RAMP3: variants seen among roughly 807,000 people sequenced by gnomAD.
The protein encoded by RAMP3 is receptor activity modifying protein 3.
RAMP3 carries 14 observed loss-of-function variants against 13.5 expected under a neutral mutation model. That is an observed-to-expected ratio of 1.04 (90% confidence interval 0.69 to 1.63). The LOEUF (loss-of-function observed/expected upper bound fraction) is 1.63, where lower values mean the gene tolerates loss of function less well. Ranked by LOEUF, RAMP3 falls within the 40% of genes most tolerant of loss-of-function variation. The pLI is 0.00. For missense variants in RAMP3, 200 were observed against 204.8 expected, an observed-to-expected ratio of 0.98 and a Z score of 0.14; for synonymous variants, 106 against 88.3, an observed-to-expected ratio of 1.20 and a Z score of -1.12.
At position 45,183,791 on chromosome 7, in the gene RAMP3, G is replaced by T; in HGVS notation, c.*379G>T. On this transcript the variant is annotated 3_prime_UTR_variant, in exon 3 of 3. Transcript: ENST00000242249. ...CAGCCTAGCCTTAGCCGCAGTCTAG[G>T]CCCTGCTTGGACTAGGACTCCTTGC... 2 of 521,072 alleles carry T rather than the reference G, an allele frequency of 3.8e-6. No individual in the cohort carries two copies. Among genetic ancestry groups the T allele is most frequent in the South Asian group, 3.5e-5 (1 of 28,592 alleles). 32.3% of individuals were successfully genotyped at this position (521,072 alleles called of 1,614,324 possible).
chr7:45,158,667 TG>T (rs35348671), intron 1 of RAMP3, among the ~76,000 whole-genome samples: 42,636 of 151,964 alleles, frequency 0.28, 7,194 homozygotes, highest in African/African-American at 0.46. Flanking sequence ...TGGCCAGTTC[TG>T]GGGGGGACAT....
At chr7:45,166,665 G>T (rs979076972) in intron 1 of RAMP3, among the ~76,000 whole-genome samples, 3 of 152,058 alleles carry the variant, frequency 2.0e-5, no homozygotes, top group African/African-American at 7.2e-5. Flanking sequence ...AAAATTTGAC[G>T]TGTCTAATTT....
At chr7:45,159,408 C>G (rs1785822691) in intron 1 of RAMP3, among the ~76,000 whole-genome samples, 1 of 152,208 alleles carries the variant, frequency 6.6e-6, no homozygotes, top group Non-Finnish European at 1.5e-5. Flanking sequence ...TGGGTGGGTT[C>G]CTCTTGACTG....
Position 45,183,656 on chromosome 7 carries a change from G to A in RAMP3, c.*244G>A, listed in dbSNP as rs1190738743. The A allele has an allele frequency of 1.6e-6, 1 of 609,364 alleles. No individual in the cohort carries two copies. Among genetic ancestry groups the A allele is most frequent in the Admixed American group, 2.9e-5 (1 of 33,984 alleles). The allele number at this position is 609,364 out of a possible 1,614,324, so 37.7% of individuals were successfully genotyped here. On this transcript the variant is annotated 3_prime_UTR_variant, in exon 3 of 3. Coordinates refer to ENST00000242249, the MANE Select transcript of RAMP3 (RefSeq NM_005856.3). ...GGGCCAGTGGAGGAAAATGTGATAA[G>A]GCCAGAGCTTGTGTGCTGGGCACAG...
chr7:45,177,051 T>A (rs1299513691), intron 1 of RAMP3, among the ~76,000 whole-genome samples: 1 of 152,236 alleles, frequency 6.6e-6, no homozygotes, highest in East Asian at 1.9e-4. Flanking sequence ...GCCTGATCCC[T>A]GCCTGTGCCA....
chr7:45,173,650 T>C (rs1426885457), intron 1 of RAMP3, among the ~76,000 whole-genome samples: 1 of 146,590 alleles, frequency 6.8e-6, no homozygotes, highest in Non-Finnish European at 1.5e-5. Context: ...CTTTGGGAAG[T>C]GGAGGAAACC....
chr7:45,177,218 G>A (rs992376216), intron 1 of RAMP3, 91 bp from the exon 2 acceptor site: 3 of 1,535,826 alleles, frequency 2.0e-6, no homozygotes, highest in Non-Finnish European at 2.7e-6. Flanking sequence ...CCTTGCTAGT[G>A]AGTACTCAAG....
chr7:45,173,735 G>A (rs1255991343), intron 1 of RAMP3, among the ~76,000 whole-genome samples: 2 of 152,206 alleles, frequency 1.3e-5, no homozygotes, highest in African/African-American at 4.8e-5. Context: ...TGCCACTTCT[G>A]ATAGTGTGGG....
At position 45,183,804 on chromosome 7, in the gene RAMP3, T is replaced by A. The variant is rs1158691434; in HGVS notation, c.*392T>A. The stretch of plus-strand genomic sequence containing the variant: ...GCCGCAGTCTAGGCCCTGCTTGGAC[T>A]AGGACTCCTTGCTTGACCCCATCTC... On this transcript the variant is annotated 3_prime_UTR_variant, in exon 3 of 3. Coordinates refer to ENST00000242249, the MANE Select transcript of RAMP3 (RefSeq NM_005856.3). 2 of 487,886 alleles carry A rather than the reference T, an allele frequency of 4.1e-6. No individual in the cohort carries two copies. Among genetic ancestry groups the A allele is most frequent in the Non-Finnish European group, 7.2e-6 (2 of 278,260 alleles). 30.2% of individuals were successfully genotyped at this position (487,886 alleles called of 1,614,324 possible).
chr7:45,167,833 G>A (rs28802978), intron 1 of RAMP3, among the ~76,000 whole-genome samples: 5,787 of 151,834 alleles, frequency 0.038, 392 homozygotes, highest in African/African-American at 0.13. Context: ...TGATCCACCC[G>A]CCATGGCCTC....
intron 1 of RAMP3, among the ~76,000 whole-genome samples, chr7:45,175,400 C>T (rs527406670): frequency 2.0e-5 from 3 of 152,312 alleles, no homozygotes; most frequent in Admixed American, 2.0e-4. Context: ...TCAAGATGCC[C>T]TGGGTCCTGG....
intron 1 of RAMP3, 57 bp from the exon 2 acceptor site, chr7:45,177,252 G>C (rs1562570816): frequency 5.0e-6 from 8 of 1,608,922 alleles, no homozygotes; most frequent in Non-Finnish European, 6.8e-6. Flanking sequence ...GGCCTCCCCT[G>C]TCCTGGCATC....
chr7:45,181,500 G>T (rs1218619107), intron 2 of RAMP3, among the ~76,000 whole-genome samples: 3 of 152,212 alleles, frequency 2.0e-5, no homozygotes, highest in Non-Finnish European at 4.4e-5. Flanking sequence ...TTGTTGGGGG[G>T]TGGCATTCCT....
intron 2 of RAMP3, among the ~76,000 whole-genome samples, chr7:45,180,260 G>A (rs1045834617): frequency 7.9e-5 from 12 of 152,256 alleles, no homozygotes; most frequent in African/African-American, 2.9e-4. Flanking sequence ...CCTGGCCCAG[G>A]TGGAGGGCAC....
Position 45,181,661 on chromosome 7 carries a change from G to A in RAMP3, c.192-1496G>A, listed in dbSNP as rs1279752650. Among the ~76,000 whole-genome samples the A allele has an allele frequency of 2.0e-5, 3 of 152,196 alleles. No individual in the cohort carries two copies. In the East Asian group the frequency reaches 5.8e-4, roughly 29 times the overall value. ...CAGCTCCTGGATCAGCTGGCGGGGG[G>A]TTGGGGTGGACAGCAGGCTACTGAA... On this transcript the variant is annotated intron_variant, in intron 2 of 2. Coordinates refer to ENST00000242249, the MANE Select transcript of RAMP3 (RefSeq NM_005856.3).
intron 1 of RAMP3, among the ~76,000 whole-genome samples, chr7:45,165,169 A>G (rs533554728): frequency 3.9e-5 from 6 of 152,024 alleles, no homozygotes; most frequent in Non-Finnish European, 7.4e-5. Flanking sequence ...GGTTTATGGT[A>G]TACATCTTTA....
At chr7:45,162,922 G>A (rs555974936) in intron 1 of RAMP3, among the ~76,000 whole-genome samples, 1 of 152,146 alleles carries the variant, frequency 6.6e-6, no homozygotes, top group African/African-American at 2.4e-5. Context: ...TGTGGTCCTC[G>A]GACCTGCAGA....
At chr7:45,179,449 C>T (rs1786260080) in intron 2 of RAMP3, among the ~76,000 whole-genome samples, 1 of 152,096 alleles carries the variant, frequency 6.6e-6, no homozygotes, top group Non-Finnish European at 1.5e-5. Context: ...CCAAGCAAAC[C>T]CGGGGGCCAT....
At chr7:45,167,288 G>A (rs1378079318) in intron 1 of RAMP3, among the ~76,000 whole-genome samples, 1 of 152,106 alleles carries the variant, frequency 6.6e-6, no homozygotes, top group Non-Finnish European at 1.5e-5. Flanking sequence ...TTTCGTGTAT[G>A]AGGTGAGAAG....
Sources: gnomAD v4.1 joint callset for allele counts (sites outside exome capture counted in the v4.1 genomes callset) on GRCh38, gnomAD v4.1.1 for gene constraint, MANE v1.5 for transcripts, NCBI Gene and HGNC (gene_info 2026-07-23, HGNC 2026-07-21) for gene names.